Variants in CLNK observed in about 807,000 individuals in gnomAD.
The protein encoded by CLNK is cytokine-dependent hematopoietic cell linker.
Under a neutral mutation model 68.6 loss-of-function variants are expected in CLNK, and 74 were observed. The observed-to-expected ratio is 1.08, with a 90% CI of 0.89 to 1.31. CLNK has a LOEUF of 1.31. CLNK is among the 50% of genes most tolerant of loss of function. The pLI is 0.00. For synonymous variants in CLNK, 198 were observed against 172.2 expected (o/e 1.15, Z -1.17); for missense variants, 553 against 515.3 (o/e 1.07, Z -0.71).
chr4:10,548,957 C>G (rs1197127160), intron 8 of CLNK, among the ~76,000 whole-genome samples: 1 of 152,186 alleles, frequency 6.6e-6, no homozygotes, highest in East Asian at 1.9e-4. Flanking sequence ...CAGCCTTGTT[C>G]CTTTTACTCA....
At chr4:10,550,499 A>T (rs116695028) in intron 8 of CLNK, among the ~76,000 whole-genome samples, 3,818 of 152,278 alleles carry the variant, frequency 0.025, 82 homozygotes, top group Middle Eastern at 0.075. Flanking sequence ...TGTCTCAAAA[A>T]AAATAAATAA....
chr4:10,529,631 G>A (rs1319791291), intron 12 of CLNK, among the ~76,000 whole-genome samples: 1 of 152,178 alleles, frequency 6.6e-6, no homozygotes, highest in African/African-American at 2.4e-5. Flanking sequence ...AAAGAGTAAT[G>A]AATCCATTCT....
At chr4:10,684,635 C>T (rs1725201130) in intron 1 of CLNK, 33 bp downstream of exon 1, 2 of 152,112 alleles carry the variant, frequency 1.3e-5, no homozygotes, top group Non-Finnish European at 1.5e-5. Context: ...ACCATGAGAT[C>T]CTCACTCAGA....
intron 14 of CLNK, among the ~76,000 whole-genome samples, chr4:10,521,708 C>A (rs1718073935): frequency 6.6e-6 from 1 of 152,206 alleles, no homozygotes; most frequent in Non-Finnish European, 1.5e-5. Context: ...AGCCACCATA[C>A]TATGCTGTCA....
intron 3 of CLNK, among the ~76,000 whole-genome samples, chr4:10,586,962 T>TC (rs997384156): frequency 9.3e-5 from 14 of 151,286 alleles, no homozygotes; most frequent in Admixed American, 5.9e-4. Context: ...CCATTTTTTT[T>TC]CTTTTTTTTT....
Position 10,607,088 on chromosome 4 carries a change from C to T in CLNK, c.12-9039G>A, listed in dbSNP as rs117607898. Among the ~76,000 whole-genome samples, 109 of 152,296 alleles carry T rather than the reference C, an allele frequency of 7.2e-4. No individual in the cohort carries two copies. In the East Asian group the frequency reaches 0.019, roughly 27 times the overall value. On this transcript the variant is annotated intron_variant, in intron 2 of 18. Transcript: ENST00000226951. Reference sequence around the variant, plus strand: ...ACATATCTTGGTTCAAAACCTGTCACTTCAATGAACAGACTCTGTTGATGA... The same window carrying T: ...ACATATCTTGGTTCAAAACCTGTCATTTCAATGAACAGACTCTGTTGATGA...
intron 18 of CLNK, among the ~76,000 whole-genome samples, chr4:10,496,506 C>A (rs140504566): frequency 8.8e-4 from 134 of 152,284 alleles, no homozygotes; most frequent in African/African-American, 2.9e-3. Context: ...GGAAGAACCA[C>A]CTGTGAATTG....
Position 10,606,165 on chromosome 4 carries a change from T to C in CLNK, c.12-8116A>G, listed in dbSNP as rs12647661. Among the ~76,000 whole-genome samples the C allele has an allele frequency of 5.1e-4, 78 of 152,372 alleles. No homozygotes were observed. The East Asian group carries it at 0.013, about 25-fold the overall frequency. Reference sequence around the variant, plus strand: ...TACGAAGATACTTGTTATATACTTATTCTGTAAACATTTAATTTTAAACTT... The same window carrying C: ...TACGAAGATACTTGTTATATACTTACTCTGTAAACATTTAATTTTAAACTT... On this transcript the variant is annotated intron_variant, in intron 2 of 18. Coordinates refer to ENST00000226951, the MANE Select transcript of CLNK (RefSeq NM_052964.4).
chr4:10,530,373 G>A (rs76592164), intron 12 of CLNK, among the ~76,000 whole-genome samples: 4,403 of 152,318 alleles, frequency 0.029, 88 homozygotes, highest in Non-Finnish European at 0.045. Context: ...ACAAGACAGT[G>A]TTCAAGCAAG....
chr4:10,516,595 C>T (rs1198444900), intron 15 of CLNK, among the ~76,000 whole-genome samples: 2 of 148,696 alleles, frequency 1.3e-5, no homozygotes, highest in Non-Finnish European at 3.0e-5. Context: ...TTTTGTTGCC[C>T]AGGCTGGAGT....
chr4:10,681,207 G>C (rs1725081631), intron 1 of CLNK, among the ~76,000 whole-genome samples: 1 of 152,124 alleles, frequency 6.6e-6, no homozygotes, highest in African/African-American at 2.4e-5. Flanking sequence ...CTTATAATTT[G>C]AGTACACTTG....
At chr4:10,672,818 A>G (rs1373933010) in intron 1 of CLNK, among the ~76,000 whole-genome samples, 2 of 152,274 alleles carry the variant, frequency 1.3e-5, no homozygotes, top group African/African-American at 4.8e-5. Flanking sequence ...ATCTCCATCT[A>G]CCCAGCACCA....
At chr4:10,521,601 A>G (rs186730151) in intron 14 of CLNK, among the ~76,000 whole-genome samples, 7 of 152,344 alleles carry the variant, frequency 4.6e-5, no homozygotes, top group African/African-American at 7.2e-5. Context: ...TCTAGTGCCA[A>G]TGAAATCACC....
chr4:10,538,351 A>G lies in CLNK; in HGVS notation c.602+2143T>C, dbSNP rs374573844. ...ACCATGTTGGCCAGGCTGGTCTTGA[A>G]CTCCTTGCCACATGTGAGCCGCCTG... On this transcript the variant is annotated intron_variant, in intron 11 of 18. Coordinates refer to ENST00000226951, the MANE Select transcript of CLNK (RefSeq NM_052964.4). 2.2e-3 allele frequency among the ~76,000 whole-genome samples: 340 copies of G among 151,576 alleles called. 2 individuals are homozygous for G. The highest frequency in any genetic ancestry group is 7.9e-3 in the African/African-American group (327 of 41,296).
At chr4:10,521,142 A>C (rs1718043773) in intron 14 of CLNK, among the ~76,000 whole-genome samples, 1 of 152,218 alleles carries the variant, frequency 6.6e-6, no homozygotes, top group Admixed American at 6.5e-5. Context: ...TTGTAGCTAC[A>C]GTCACTATGG....
chr4:10,561,074 AT>A (rs912598548), intron 7 of CLNK, among the ~76,000 whole-genome samples: 1 of 149,868 alleles, frequency 6.7e-6, no homozygotes, highest in Non-Finnish European at 1.5e-5. Context: ...TTTTTTTTTA[AT>A]TTTTTTTTAG....
chr4:10,488,638 A>C lies in CLNK; in HGVS notation c.*1829T>G, dbSNP rs922561781. 2.0e-4 allele frequency: 31 copies of C among 152,226 alleles called. No individual in the cohort carries two copies. Among genetic ancestry groups the C allele is most frequent in the Admixed American group, 5.9e-4 (9 of 15,278 alleles). 9.4% of individuals were successfully genotyped at this position (152,226 alleles called of 1,614,324 possible). A position where few individuals can be genotyped will look rare whatever the true frequency, so the allele number is the denominator to read the frequency against. ...GGCTCAGCTGGGTCTCAAAAGTTCCAGCTTTACAAATAGCTTCTTCATTAA... is the reference window on the plus strand; with the variant it reads ...GGCTCAGCTGGGTCTCAAAAGTTCCCGCTTTACAAATAGCTTCTTCATTAA... On this transcript the variant is annotated 3_prime_UTR_variant, in exon 19 of 19. Transcript: ENST00000226951.
intron 2 of CLNK, among the ~76,000 whole-genome samples, chr4:10,607,761 C>T (rs985950606): frequency 6.6e-6 from 1 of 152,218 alleles, no homozygotes; most frequent in Admixed American, 6.5e-5. Flanking sequence ...AGTCCAGGGA[C>T]AGCCAGCTGA....
At chr4:10,724,384 T>A in the CLNK span, among the ~76,000 whole-genome samples, 1 of 152,192 alleles carries the variant, frequency 6.6e-6, no homozygotes, top group Non-Finnish European at 1.5e-5. Context: ...TGCTCAGAAT[T>A]TGAATCCTTC....
Sources: gnomAD v4.1 joint callset for allele counts (sites outside exome capture counted in the v4.1 genomes callset) on GRCh38, gnomAD v4.1.1 for gene constraint, MANE v1.5 for transcripts, NCBI Gene and HGNC (gene_info 2026-07-23, HGNC 2026-07-21) for gene names.